Variants in ARHGAP29 observed in about 807,000 individuals in gnomAD.
The protein encoded by ARHGAP29 is rho GTPase-activating protein 29.
In ARHGAP29, 43 loss-of-function variants were observed where a neutral mutation model predicts 122.6. The observed-to-expected ratio is 0.35, with a 90% CI of 0.27 to 0.45. The LOEUF (loss-of-function observed/expected upper bound fraction) is 0.45. Ranked by LOEUF, ARHGAP29 falls within the 20% of genes least tolerant of loss-of-function variation. The pLI, the probability that ARHGAP29 is intolerant of heterozygous loss-of-function variation, is 1.00. For missense variants in ARHGAP29, 1,303 were observed against 1,477.2 expected (o/e 0.88, Z 1.93); for synonymous variants, 506 against 497.1 (o/e 1.02, Z -0.24).
In ARHGAP29 at chr1:94,209,278, G is replaced by T. The variant is rs748666537; in HGVS notation, c.413C>A (p.Thr138Asn). Residue 138 changes from threonine (T) to asparagine (N), a missense_variant, in exon 4 of 23, where the codon ACT becomes AAT. Thr to Asn is a moderately conservative substitution (Grantham distance 65, BLOSUM62 0). Coordinates refer to ENST00000260526, the MANE Select transcript of ARHGAP29 (RefSeq NM_004815.4). ...LFQEVFSSIETLAFTFGNILT... is the reference protein window; with the variant it reads ...LFQEVFSSIENLAFTFGNILT... ...CATATTTCCAAAGGTAAATGCCAAA[G>T]TTTCAATAGAAGAAAACACTTCCTG... 15 of 1,610,550 alleles carry T rather than the reference G, an allele frequency of 9.3e-6. No homozygotes were observed. The East Asian group carries it at 3.1e-4, about 34-fold the overall frequency.
chr1:94,299,585 TG>T, the ARHGAP29 span, among the ~76,000 whole-genome samples: 8 of 152,064 alleles, frequency 5.3e-5, no homozygotes, highest in South Asian at 4.2e-4. Context: ...TTTTCGGTGG[TG>T]GGGGGGAACA....
chr1:94,294,141 A>C, the ARHGAP29 span, among the ~76,000 whole-genome samples: 1 of 152,208 alleles, frequency 6.6e-6, no homozygotes, highest in Non-Finnish European at 1.5e-5. Context: ...CTGTTCAATA[A>C]AGGAGAAGGA....
At position 94,178,148 on chromosome 1, in the gene ARHGAP29, C is replaced by G. The variant is rs935673150; in HGVS notation, c.2500G>C (p.Glu834Gln). ...AAGTTTTTGGAGTTCATCTTGTTTT[C>G]TTCTGCATGATCTACTACCCTGCAA... Reference protein sequence around the residue: ...HLKRVVDHAEENKMNSKNLGV... With the variant: ...HLKRVVDHAEQNKMNSKNLGV... The change falls in exon 21 of 23, where the codon GAA (glutamate) becomes CAA (glutamine). Residue 834 changes from glutamate (E) to glutamine (Q), a missense_variant. By Grantham distance (29) the Glu-to-Gln change is conservative. Around this residue, in one of 3 missense-constraint regions of ARHGAP29, gnomAD observed 620 missense variants for 651.2 expected, o/e 0.95. Coordinates refer to ENST00000260526, the MANE Select transcript of ARHGAP29 (RefSeq NM_004815.4). The G allele has an allele frequency of 6.2e-7, 1 of 1,613,578 alleles. No homozygotes were observed. The highest frequency in any genetic ancestry group is 8.5e-7 in the Non-Finnish European group (1 of 1,179,810).
the ARHGAP29 span, among the ~76,000 whole-genome samples, chr1:94,298,672 T>C: frequency 2.6e-5 from 4 of 152,208 alleles, no homozygotes; most frequent in Admixed American, 6.5e-5. Context: ...ATGAGATACA[T>C]TTCTGTTCTT....
At chr1:94,299,811 TG>T in the ARHGAP29 span, among the ~76,000 whole-genome samples, 1 of 152,126 alleles carries the variant, frequency 6.6e-6, no homozygotes, top group Non-Finnish European at 1.5e-5. Flanking sequence ...TTCCTGTGTT[TG>T]GATGACCTTT....
At chr1:94,190,275 A>T in intron 12 of ARHGAP29, 192 bp from the exon 13 acceptor site, 1 of 529,862 alleles carries the variant, frequency 1.9e-6, no homozygotes, top group Non-Finnish European at 3.1e-6. Context: ...GTTTGAATCT[A>T]ATATCTAGGA....
intron 7 of ARHGAP29, 31 bp downstream of exon 7, chr1:94,205,030 T>C: frequency 6.5e-7 from 1 of 1,536,244 alleles, no homozygotes; most frequent in Non-Finnish European, 8.7e-7. Flanking sequence ...ATTATTATAC[T>C]CTAAATCAGA....
At chr1:94,274,686 C>A (rs1655117556) in intron 1 of ARHGAP29, among the ~76,000 whole-genome samples, 1 of 152,188 alleles carries the variant, frequency 6.6e-6, no homozygotes, top group South Asian at 2.1e-4. Context: ...GGCAACAAAC[C>A]TGGCCTGGGC....
intron 3 of ARHGAP29, among the ~76,000 whole-genome samples, chr1:94,212,061 C>T (rs1403392744): frequency 6.6e-6 from 1 of 152,060 alleles, no homozygotes; most frequent in Non-Finnish European, 1.5e-5. Flanking sequence ...GGAGGATCAC[C>T]TGAGGTCAGG....
chr1:94,297,204 G>A, the ARHGAP29 span, among the ~76,000 whole-genome samples: 1 of 152,190 alleles, frequency 6.6e-6, no homozygotes, highest in Non-Finnish European at 1.5e-5. Context: ...AACATGTTGA[G>A]CCTGGCAGCA....
intron 5 of ARHGAP29, among the ~76,000 whole-genome samples, chr1:94,208,259 C>T (rs1053092413): frequency 1.3e-5 from 2 of 152,126 alleles, no homozygotes; most frequent in African/African-American, 4.8e-5. Flanking sequence ...AGTCACTATA[C>T]CTGGTCCCAA....
At chr1:94,203,888 A>AG (rs774823336) in intron 8 of ARHGAP29, 42 bp downstream of exon 8, 3 of 1,554,738 alleles carry the variant, frequency 1.9e-6, no homozygotes, top group Non-Finnish European at 2.7e-6. Flanking sequence ...GTTCATGAGT[A>AG]GTTTCTTATT....
At chr1:94,236,498 G>A (rs1176783622) in intron 1 of ARHGAP29, among the ~76,000 whole-genome samples, 1 of 152,204 alleles carries the variant, frequency 6.6e-6, no homozygotes, top group Non-Finnish European at 1.5e-5. Flanking sequence ...CACAGAGACA[G>A]ATGGAGAGAA....
At chr1:94,200,343 C>T (rs1650761118) in intron 12 of ARHGAP29, among the ~76,000 whole-genome samples, 3 of 152,158 alleles carry the variant, frequency 2.0e-5, no homozygotes, top group African/African-American at 7.2e-5. Flanking sequence ...CAAATTAAAA[C>T]CACAATTAGA....
chr1:94,237,831 G>T (rs1653399784), upstream of ARHGAP29: 1 of 940,798 alleles, frequency 1.1e-6, no homozygotes, highest in South Asian at 4.9e-5. Flanking sequence ...GCGACTCAGA[G>T]AAAAGTCACC....
chr1:94,184,830 C>G (rs1350566745), intron 18 of ARHGAP29, 42 bp downstream of exon 18: 8 of 1,440,092 alleles, frequency 5.6e-6, no homozygotes, highest in Non-Finnish European at 7.5e-6. Flanking sequence ...ATAGGTTACA[C>G]AGGCATTTAT....
chr1:94,251,946 A>G (rs955349072), intron 1 of ARHGAP29, among the ~76,000 whole-genome samples: 21 of 152,204 alleles, frequency 1.4e-4, no homozygotes, highest in Non-Finnish European at 1.2e-4. Flanking sequence ...GTTAAGTTCT[A>G]TGAAAGAAGG....
chr1:94,272,487 C>T (rs1655030600), intron 1 of ARHGAP29, among the ~76,000 whole-genome samples: 1 of 152,166 alleles, frequency 6.6e-6, no homozygotes. Context: ...CCAACAGCCT[C>T]CAGCTGCTGC....
the ARHGAP29 span, among the ~76,000 whole-genome samples, chr1:94,300,571 T>C: frequency 6.6e-6 from 1 of 152,216 alleles, no homozygotes; most frequent in African/African-American, 2.4e-5. Flanking sequence ...TCCCCCCATA[T>C]ACCTCTTACT....
Sources: allele counts gnomAD v4.1 joint callset (sites outside exome capture counted in the v4.1 genomes callset), GRCh38; gene constraint gnomAD v4.1.1; regional missense constraint gnomAD v4.1.1; transcripts MANE v1.5; gene names NCBI Gene and HGNC (gene_info 2026-07-23, HGNC 2026-07-21).